Variants in MPPED2 observed in about 807,000 individuals in gnomAD.
The protein encoded by MPPED2 is metallophosphoesterase MPPED2.
In MPPED2, 5 loss-of-function variants were observed where a neutral mutation model predicts 33.0. That is an observed-to-expected ratio of 0.15 (90% CI 0.08 to 0.32). MPPED2 has a LOEUF of 0.32. Ranked by LOEUF, MPPED2 falls within the 10% of genes least tolerant of loss-of-function variation. MPPED2 has a pLI of 1.00. For missense variants in MPPED2, 275 were observed against 372.1 expected, an observed-to-expected ratio of 0.74 and a Z score of 2.15; for synonymous variants, 136 against 141.9, an observed-to-expected ratio of 0.96 and a Z score of 0.29.
chr11:30,573,366 T>C (rs201148590), intron 2 of MPPED2, among the ~76,000 whole-genome samples: 2 of 152,330 alleles, frequency 1.3e-5, no homozygotes, highest in East Asian at 3.9e-4. Flanking sequence ...TAAATGACTC[T>C]ATCACTGGTT....
rs1164013476 is a variant in MPPED2, at chr11:30,465,369, C to T, written c.536+29927G>A. 5.1e-4 allele frequency among the ~76,000 whole-genome samples: 77 copies of T among 152,190 alleles called. 1 individual carries two copies. The highest frequency in any genetic ancestry group is 5.0e-3 in the Admixed American group (77 of 15,286). ...GTGGCATGATCTCAGCTCACTGCAA[C>T]ATCAGCCTCCCTGGCTCAAGCAACC... On this transcript the variant is annotated intron_variant, in intron 4 of 6. Coordinates refer to ENST00000358117, the MANE Select transcript of MPPED2 (RefSeq NM_001584.3).
chr11:30,489,128 C>T (rs548838945), intron 4 of MPPED2, among the ~76,000 whole-genome samples: 7 of 151,932 alleles, frequency 4.6e-5, no homozygotes, highest in Non-Finnish European at 1.0e-4. Flanking sequence ...TCCACCCATC[C>T]CTGTATCTGA....
rs1430525140 is a variant in MPPED2 at position 30,417,567 on chromosome 11, G to A, written c.603C>T (p.Asn201=). Residue 201 remains asparagine, a synonymous_variant, in exon 5 of 7, where the codon AAC becomes AAT. Coordinates refer to ENST00000358117, the MANE Select transcript of MPPED2 (RefSeq NM_001584.3). ...PRGQSLLDKW[N]LIPEGIDILM... ...GTATGTCAATGCCCTCAGGGATGAG[G>A]TTCCACTTGTCCAGCAGAGACTGAC... 6.2e-7 allele frequency: 1 copy of A among 1,613,356 alleles called. No individual in the cohort carries two copies. Among genetic ancestry groups the A allele is most frequent in the East Asian group, 2.2e-5 (1 of 44,844 alleles).
At chr11:30,497,676 T>A (rs1019204980) in intron 3 of MPPED2, among the ~76,000 whole-genome samples, 1 of 152,052 alleles carries the variant, frequency 6.6e-6, no homozygotes. Flanking sequence ...GGAAGTATAT[T>A]TTCCCCCTTC....
intron 2 of MPPED2, among the ~76,000 whole-genome samples, chr11:30,554,600 C>T (rs559054140): frequency 3.8e-4 from 1 of 2,628 alleles, no homozygotes; most frequent in Non-Finnish European, 6.3e-4. Context: ...AGGAGATTCT[C>T]GTGCCTCACT....
intron 2 of MPPED2, among the ~76,000 whole-genome samples, chr11:30,571,486 C>CA (rs1443479320): frequency 6.0e-5 from 9 of 150,550 alleles, no homozygotes; most frequent in Admixed American, 2.0e-4. Flanking sequence ...CATTAAATAA[C>CA]AAAAAAAGAA....
intron 6 of MPPED2, among the ~76,000 whole-genome samples, chr11:30,392,297 T>G (rs1435217698): frequency 1.3e-5 from 2 of 152,210 alleles, no homozygotes; most frequent in African/African-American, 2.4e-5. Context: ...TTTTTTGTCC[T>G]TATTGACTGT....
intron 4 of MPPED2, among the ~76,000 whole-genome samples, chr11:30,488,012 C>T (rs566569996): frequency 5.9e-5 from 9 of 152,124 alleles, no homozygotes; most frequent in Non-Finnish European, 1.2e-4. Flanking sequence ...TCTAGGATAT[C>T]CTGGTTTAGT....
At chr11:30,557,226 A>T (rs1276443577) in intron 2 of MPPED2, among the ~76,000 whole-genome samples, 1 of 146,850 alleles carries the variant, frequency 6.8e-6, no homozygotes, top group Non-Finnish European at 1.5e-5. Context: ...TATATATATA[A>T]TATATATATC....
At chr11:30,424,053 C>T (rs1390648367) in intron 4 of MPPED2, among the ~76,000 whole-genome samples, 1 of 152,156 alleles carries the variant, frequency 6.6e-6, no homozygotes, top group South Asian at 2.1e-4. Flanking sequence ...CTCACTTGCT[C>T]GCTCCCTCAC....
intron 2 of MPPED2, among the ~76,000 whole-genome samples, chr11:30,540,370 G>C (rs976049946): frequency 6.6e-6 from 1 of 152,124 alleles, no homozygotes; most frequent in African/African-American, 2.4e-5. Flanking sequence ...CAAGCAAGGG[G>C]CTTAACCCTT....
rs191701648 is a variant in MPPED2 at position 30,483,305 on chromosome 11, A to G, written c.536+11991T>C. 1.1e-4 allele frequency among the ~76,000 whole-genome samples: 16 copies of G among 152,372 alleles called. No homozygotes were observed. The East Asian group carries it at 3.1e-3, about 29-fold the overall frequency. On this transcript the variant is annotated intron_variant, in intron 4 of 6. Transcript: ENST00000358117. ...CTATTTCTTCTGAAAAACAGGAAGC[A>G]TTAAGTAATGTTTAGCAACAGAAGC...
At chr11:30,458,914 C>CCT (rs1950398327) in intron 4 of MPPED2, among the ~76,000 whole-genome samples, 1 of 64,516 alleles carries the variant, frequency 1.6e-5, no homozygotes, top group Non-Finnish European at 3.0e-5. Flanking sequence ...TTGCACAGTT[C>CCT]TTTTTTTTTT....
intron 4 of MPPED2, among the ~76,000 whole-genome samples, chr11:30,442,584 A>C (rs1382643206): frequency 6.6e-6 from 1 of 152,224 alleles, no homozygotes; most frequent in Non-Finnish European, 1.5e-5. Context: ...TTCACTGTGT[A>C]TAGCTATCGA....
At chr11:30,585,362 C>G (rs1423768755) in intron 1 of MPPED2, among the ~76,000 whole-genome samples, 1 of 151,904 alleles carries the variant, frequency 6.6e-6, no homozygotes, top group African/African-American at 2.4e-5. Context: ...TGAGAAAGAG[C>G]CCCGAGCGAG....
chr11:30,513,284 C>T (rs1304009757), intron 3 of MPPED2, among the ~76,000 whole-genome samples: 2 of 152,130 alleles, frequency 1.3e-5, no homozygotes, highest in Non-Finnish European at 2.9e-5. Context: ...GAGCTCAAAA[C>T]CATTAAAATA....
intron 2 of MPPED2, among the ~76,000 whole-genome samples, chr11:30,546,185 T>A (rs1027140923): frequency 1.3e-5 from 2 of 152,194 alleles, no homozygotes; most frequent in African/African-American, 4.8e-5. Context: ...AATAGAGACA[T>A]GCCTAAAACT....
chr11:30,421,466 T>C (rs1310258060), intron 4 of MPPED2, among the ~76,000 whole-genome samples: 2 of 141,972 alleles, frequency 1.4e-5, no homozygotes, highest in Non-Finnish European at 3.1e-5. Context: ...AGAGCAGTTA[T>C]ATTCCAGGAA....
At chr11:30,420,869 T>C (rs584452) in intron 4 of MPPED2, among the ~76,000 whole-genome samples, 137,098 of 152,218 alleles carry the variant, frequency 0.9, 61,808 homozygotes, top group East Asian at 0.97. Context: ...CCTTCCCCTT[T>C]ATTTTACAGT....
Sources: gnomAD v4.1 joint callset for allele counts (sites outside exome capture counted in the v4.1 genomes callset) on GRCh38, gnomAD v4.1.1 for gene constraint, MANE v1.5 for transcripts, NCBI Gene and HGNC (gene_info 2026-07-23, HGNC 2026-07-21) for gene names.